SELENOS: variants seen among roughly 807,000 people sequenced by gnomAD.
The protein encoded by SELENOS is selenoprotein S.
Under a neutral mutation model 30.2 loss-of-function variants are expected in SELENOS, and 37 were observed. That is an observed-to-expected ratio of 1.23 (90% CI 0.94 to 1.61). The LOEUF is 1.61. SELENOS is among the 40% of genes most tolerant of loss of function. SELENOS has a pLI of 0.00. For synonymous variants in SELENOS, 119 were observed against 91.6 expected (o/e 1.30, Z -1.71); for missense variants, 289 against 231.8 (o/e 1.25, Z -1.60).
chr15:101,276,242 CTTTTTTTT>C (rs34035984), intron 2 of SELENOS, among the ~76,000 whole-genome samples: 1 of 122,500 alleles, frequency 8.2e-6, no homozygotes, highest in Admixed American at 8.4e-5. Context: ...ATACTTCCTA[CTTTTTTTT>C]TTTTTTTTTT....
chr15:101,277,474 C>T lies in SELENOS; in HGVS notation c.-57G>A, dbSNP rs2039345940. On this transcript the variant is annotated 5_prime_UTR_variant, in exon 1 of 6. Coordinates refer to ENST00000526049, the MANE Select transcript of SELENOS (RefSeq NM_018445.6). ...CGCCGCGCCTCCAGCCGGGCGCTTC[C>T]GGTGCGCTCCTACGCACACGTGGCG... 1.4e-6 allele frequency: 2 copies of T among 1,390,498 alleles called. No homozygotes were observed. The highest frequency in any genetic ancestry group is 3.7e-5 in the Admixed American group (1 of 27,126). The allele number at this position is 1,390,498 out of a possible 1,614,324, so 86.1% of individuals were successfully genotyped here.
intron 5 of SELENOS, 143 bp downstream of exon 5, chr15:101,274,277 T>C: frequency 1.1e-6 from 1 of 949,110 alleles, no homozygotes; most frequent in Non-Finnish European, 1.6e-6. Flanking sequence ...GTGATTTGCA[T>C]CTGTTTCCTT....
intron 3 of SELENOS, 114 bp downstream of exon 3, chr15:101,275,141 T>C (rs1377031648): frequency 6.0e-6 from 5 of 835,184 alleles, no homozygotes; most frequent in Middle Eastern, 2.3e-4. Flanking sequence ...TTATTGAATC[T>C]AATGGGATAG....
At chr15:101,276,704 T>C (rs1159969014) in intron 1 of SELENOS, 29 bp from the exon 2 acceptor site, 1 of 1,595,310 alleles carries the variant, frequency 6.3e-7, no homozygotes, top group Non-Finnish European at 8.5e-7. Flanking sequence ...TTCAAAAAAC[T>C]AAAAATGACA....
intron 5 of SELENOS, chr15:101,274,075 T>C: frequency 5.7e-6 from 2 of 348,762 alleles, no homozygotes; most frequent in South Asian, 6.8e-5. Flanking sequence ...TGCTACTCCT[T>C]GTTATTTGCA....
At position 101,274,473 on chromosome 15, in the gene SELENOS, G is replaced by A; in HGVS notation, c.431C>T (p.Ser144Phe). The change falls in exon 5 of 6, where the codon TCC becomes TTC. Residue 144 changes from serine (S) to phenylalanine (F), a missense_variant. Transcript: ENST00000526049. ...KPQEEDSPGP[S>F]TSSVLKRKSD... ...TTTCCGTTTCAGGACAGATGAAGTG[G>A]AAGGCCCAGGACTGTCTTCCTCCTG... is the stretch of plus-strand genomic sequence containing the variant. 1 of 1,609,042 alleles carries A rather than the reference G, an allele frequency of 6.2e-7. No homozygotes were observed. Among genetic ancestry groups the A allele is most frequent in the Non-Finnish European group, 8.5e-7 (1 of 1,177,450 alleles).
In SELENOS at chr15:101,277,379, G is replaced by A. The variant is rs2039341450; in HGVS notation, c.39C>T (p.Ala13=). 6 of 1,507,202 alleles carry A rather than the reference G, an allele frequency of 4.0e-6. No individual in the cohort carries two copies. Among genetic ancestry groups the A allele is most frequent in the Middle Eastern group, 1.8e-4 (1 of 5,616 alleles). 93.4% of individuals were successfully genotyped at this position (1,507,202 alleles called of 1,614,324 possible). A position where few individuals can be genotyped will look rare whatever the true frequency, so the allele number is the denominator to read the frequency against. ...RQEESLSARP[A]LETEGLRFLH... ...GGAAGCGCAGCCCCTCGGTCTCCAG[G>A]GCCGGCCGCGCGGACAGAGACTCCT... Residue 13 remains alanine (A), a synonymous_variant, in exon 1 of 6, where the codon GCC becomes GCT. Transcript: ENST00000526049.
chr15:101,276,827 G>T, intron 1 of SELENOS, 152 bp from the exon 2 acceptor site: 2 of 858,182 alleles, frequency 2.3e-6, no homozygotes, highest in East Asian at 2.8e-5. Context: ...GTTAAAACAC[G>T]AACTCAAGAA....
intron 5 of SELENOS, 49 bp from the exon 6 acceptor site, chr15:101,272,905 T>C: frequency 6.6e-7 from 1 of 1,515,284 alleles, no homozygotes; most frequent in South Asian, 1.2e-5. Context: ...AATCTGAAAA[T>C]CTGGGAACAT....
rs185738361 is a variant in SELENOS at position 101,276,622 on chromosome 15, G to C, written c.130C>G (p.Leu44Val). The C allele has an allele frequency of 1.4e-4, 228 of 1,613,854 alleles. No homozygotes were observed. The African/African-American group carries it at 2.6e-3, about 19-fold the overall frequency. Reference sequence around the variant, plus strand: ...GAAAGCTTCTGAAAGACCACGTAGAGAAGGATGCAGCTGAAGACGATGTAC... The same window carrying C: ...GAAAGCTTCTGAAAGACCACGTAGACAAGGATGCAGCTGAAGACGATGTAC... ...GWYIVFSCIL[L>V]YVVFQKLSAR... Residue 44 changes from leucine to valine, a missense_variant, in exon 2 of 6, where the codon CTC becomes GTC. Physicochemically the swap from Leu to Val is conservative, Grantham distance 32. Transcript: ENST00000526049.
At chr15:101,277,021 T>G in intron 1 of SELENOS, 1 of 538,678 alleles carries the variant, frequency 1.9e-6, no homozygotes, top group Non-Finnish European at 3.3e-6. Flanking sequence ...GAGTCAGGAG[T>G]GTGTATGGGG....
At chr15:101,275,005 C>A (rs1448682124) in intron 3 of SELENOS, 3 of 565,550 alleles carry the variant, frequency 5.3e-6, no homozygotes, top group Non-Finnish European at 9.2e-6. Flanking sequence ...ATGCTCCCTG[C>A]TCCAGCCTGT....
At chr15:101,276,171 C>T (rs1367599264) in intron 2 of SELENOS, among the ~76,000 whole-genome samples, 1 of 151,836 alleles carries the variant, frequency 6.6e-6, no homozygotes, top group Non-Finnish European at 1.5e-5. Context: ...CATCCTCCTG[C>T]CTCGGCTTCC....
chr15:101,273,449 C>G (rs960862063), intron 5 of SELENOS, among the ~76,000 whole-genome samples: 4 of 152,150 alleles, frequency 2.6e-5, no homozygotes, highest in African/African-American at 7.2e-5. Context: ...AAACACTGTG[C>G]CTCAGTTTCC....
chr15:101,275,221 C>T (rs1349823504), intron 3 of SELENOS, 34 bp downstream of exon 3: 2 of 1,508,328 alleles, frequency 1.3e-6, no homozygotes, highest in African/African-American at 2.8e-5. Flanking sequence ...CAGACAATTT[C>T]TATGCACACA....
rs759246760 is a variant in SELENOS at position 101,272,783 on chromosome 15, G to A, written c.558C>T (p.Gly186=). 2.6e-5 allele frequency: 42 copies of A among 1,608,326 alleles called. No homozygotes were observed. Among genetic ancestry groups the A allele is most frequent in the African/African-American group, 2.3e-4 (17 of 74,820 alleles). Residue 186 remains glycine (G), a synonymous_variant, in exon 6 of 6, where the codon GGC becomes GGT. Transcript: ENST00000526049. ...WRPGRRGPSS[G]GUG ...ACTAACAAGATTCTTAGCCTCATCC[G>A]CCAGATGACGGGCCTCTGCGTCCAG... is the stretch of plus-strand genomic sequence containing the variant.
At chr15:101,271,569 GCTC>G (rs557838600), downstream of SELENOS, 98 of 152,310 alleles carry the variant, frequency 6.4e-4, no homozygotes, top group African/African-American at 2.3e-3. Context: ...TCTCCAGAGC[GCTC>G]CTCAAGAGAT....
chr15:101,276,341 T>C, intron 2 of SELENOS, 200 bp downstream of exon 2: 1 of 535,118 alleles, frequency 1.9e-6, no homozygotes, highest in Non-Finnish European at 3.0e-6. Context: ...TTTGACTCCC[T>C]GGACTCAAGT....
chr15:101,272,924 C>T (rs1022426709), intron 5 of SELENOS, 68 bp from the exon 6 acceptor site: 1 of 1,398,052 alleles, frequency 7.2e-7, no homozygotes, highest in Non-Finnish European at 9.9e-7. Flanking sequence ...ATTGTATATC[C>T]ACAATAAAAT....
Sources: gnomAD v4.1 joint callset for allele counts (sites outside exome capture counted in the v4.1 genomes callset) on GRCh38, gnomAD v4.1.1 for gene constraint, MANE v1.5 for transcripts, NCBI Gene and HGNC (gene_info 2026-07-23, HGNC 2026-07-21) for gene names.